The following HCN2 variants were observed in gnomAD, a reference collection of about 807,000 sequenced individuals.
HCN2 encodes potassium/sodium hyperpolarization-activated cyclic nucleotide-gated channel 2.
HCN2 carries 20 observed loss-of-function variants against 52.3 expected under a neutral mutation model. The ratio of observed to expected loss-of-function variants is 0.38; its 90% CI spans 0.27 to 0.56. HCN2 has a LOEUF of 0.56. HCN2 is among the 20% of genes least tolerant of loss of function. The pLI is 0.71. For synonymous variants in HCN2, 694 were observed against 537.0 expected (o/e 1.29, Z -4.04); for missense variants, 981 against 1,207.7 (o/e 0.81, Z 2.78).
chr19:597,732 T>C (rs113677283), intron 1 of HCN2, among the ~76,000 whole-genome samples: 1 of 114,734 alleles, frequency 8.7e-6, no homozygotes, highest in African/African-American at 3.5e-5. Context: ...TTCTAGGTCC[T>C]CCTGGTGGTT....
At position 613,116 on chromosome 19, in the gene HCN2, C is replaced by T. The variant is rs999590285; in HGVS notation, c.1585-132C>T. 34 of 1,253,858 alleles carry T rather than the reference C, an allele frequency of 2.7e-5. No individual in the cohort carries two copies. The Middle Eastern group carries it at 8.4e-4, about 31-fold the overall frequency. 77.7% of individuals were successfully genotyped at this position (1,253,858 alleles called of 1,614,324 possible). ...CGTCCTTGGCGGCAGCAGCTCGGTT[C>T]CGGCTACGGGGCTGAGCCCGTCTCT... On this transcript the variant is annotated intron_variant, in intron 5 of 7. Coordinates refer to ENST00000251287, the MANE Select transcript of HCN2 (RefSeq NM_001194.4).
At chr19:613,668 T>TGGGGATGGGGCCGGGGATGGGGCC (rs550372986) in intron 6 of HCN2, among the ~76,000 whole-genome samples, 180 bp downstream of exon 6, 5 of 10,846 alleles carry the variant, frequency 4.6e-4, no homozygotes, top group Non-Finnish European at 8.3e-4. Flanking sequence ...GGGCCGGGGA[T>TGGGGATGGGGCCGGGGATGGGGCC]GGGGATGGGG....
Position 605,312 on chromosome 19 carries a change from G to A in HCN2, c.1218+90G>A, listed in dbSNP as rs1028551810. On this transcript the variant is annotated intron_variant, in intron 3 of 7. Coordinates refer to ENST00000251287, the MANE Select transcript of HCN2 (RefSeq NM_001194.4). Reference sequence around the variant, plus strand: ...CCCCTTATCCCGCTTACAGAGGGTTGAACCCAAGCCTTTCAGAGGTGGGGA... The same window carrying A: ...CCCCTTATCCCGCTTACAGAGGGTTAAACCCAAGCCTTTCAGAGGTGGGGA... 5 of 1,317,850 alleles carry A rather than the reference G, an allele frequency of 3.8e-6. No homozygotes were observed. The African/African-American group carries it at 5.8e-5, about 15-fold the overall frequency. The allele number at this position is 1,317,850 out of a possible 1,614,324, so 81.6% of individuals were successfully genotyped here. A position where few individuals can be genotyped will look rare whatever the true frequency, so the allele number is the denominator to read the frequency against.
Position 603,980 on chromosome 19 carries a change from G to A in HCN2, c.1056+13G>A, listed in dbSNP as rs1372418461. 12 of 1,587,040 alleles carry A rather than the reference G, an allele frequency of 7.6e-6. 1 individual carries two copies. Among genetic ancestry groups the A allele is most frequent in the Admixed American group, 5.1e-5 (3 of 59,272 alleles). ...TCAGTGGGAGGAGGTGAGGTGGGGC[G>A]GGGGCGGGGCCAAGGCAGCAGGGGC... On this transcript the variant is annotated intron_variant, in intron 2 of 7. Coordinates refer to ENST00000251287, the MANE Select transcript of HCN2 (RefSeq NM_001194.4).
At position 616,141 on chromosome 19, in the gene HCN2, C is replaced by G. The variant is rs2144540224; in HGVS notation, c.2337C>G (p.Ser779Arg). Reference sequence around the variant, plus strand: ...CACCCGGGCCCCCGCCCCCCGCCAGCCCCCCGGGCGCGCCCGCCAGCCCCC... The same window carrying G: ...CACCCGGGCCCCCGCCCCCCGCCAGGCCCCCGGGCGCGCCCGCCAGCCCCC... ...AASPGPPPPA[S>R]PPGAPASPRA... Residue 779 changes from serine to arginine, a missense_variant, in exon 8 of 8, where the codon AGC (serine) becomes AGG (arginine). Transcript: ENST00000251287. 1.1e-6 allele frequency: 1 copy of G among 944,436 alleles called. No homozygotes were observed. The highest frequency in any genetic ancestry group is 4.7e-5 in the South Asian group (1 of 21,196). 58.5% of individuals were successfully genotyped at this position (944,436 alleles called of 1,614,324 possible).
rs116723556 is a variant in HCN2, at chr19:605,233, C to T, written c.1218+11C>T. On this transcript the variant is annotated intron_variant, in intron 3 of 7. Transcript: ENST00000251287. Reference sequence around the variant, plus strand: ...ATCAATGGCATGGTGGTGAGCGCCGCGGGCCCTGACGGAGGGGGAGACGCA... The same window carrying T: ...ATCAATGGCATGGTGGTGAGCGCCGTGGGCCCTGACGGAGGGGGAGACGCA... The T allele has an allele frequency of 4.4e-3, 7,136 of 1,608,530 alleles. 141 individuals carry two copies. Among genetic ancestry groups the T allele is most frequent in the African/African-American group, 0.04 (2,988 of 74,816 alleles).
rs1460617990 is a variant in HCN2 at position 590,546 on chromosome 19, G to C, written c.601G>C (p.Ala201Pro). 2.0e-6 allele frequency: 3 copies of C among 1,501,864 alleles called. No homozygotes were observed. The highest frequency in any genetic ancestry group is 5.5e-5 in the East Asian group (2 of 36,332). 93.0% of individuals were successfully genotyped at this position (1,501,864 alleles called of 1,614,324 possible). Residue 201 changes from alanine (A) to proline (P), a missense_variant, in exon 1 of 8, where the codon GCC becomes CCC. Physicochemically the swap from Ala to Pro is conservative, Grantham distance 27. Coordinates refer to ENST00000251287, the MANE Select transcript of HCN2 (RefSeq NM_001194.4). This position sits in a 1 kb window ranked among gnomAD's most constrained non-coding sequence, Gnocchi z 7.2. ...REQERVKSAG[A>P]WIIHPYSDFR... is the part of the protein sequence containing the mutation. Reference sequence around the variant, plus strand: ...GCAGGAGCGCGTCAAGTCGGCGGGGGCCTGGATCATCCACCCGTACAGCGA... The same window carrying C: ...GCAGGAGCGCGTCAAGTCGGCGGGGCCCTGGATCATCCACCCGTACAGCGA...
chr19:594,868 C>G (rs539776205), intron 1 of HCN2, among the ~76,000 whole-genome samples: 1 of 152,106 alleles, frequency 6.6e-6, no homozygotes, highest in African/African-American at 2.4e-5. Flanking sequence ...AAGGCCTCCC[C>G]GCTCTCTTCA....
At position 594,937 on chromosome 19, in the gene HCN2, A is replaced by T. The variant is rs114182679; in HGVS notation, c.632+4360A>T. On this transcript the variant is annotated intron_variant, in intron 1 of 7. Transcript: ENST00000251287. The stretch of plus-strand genomic sequence containing the variant: ...CATCTTTGTCCAGGCACTGTGGCTC[A>T]TGCCTGTAATGCCAGTACTTTGGGA... 4.0e-3 allele frequency among the ~76,000 whole-genome samples: 603 copies of T among 152,234 alleles called. 4 individuals are homozygous for T. Among genetic ancestry groups the T allele is most frequent in the African/African-American group, 0.013 (559 of 41,538 alleles).
rs946325828 is a variant in HCN2, at chr19:592,755, A to G, written c.632+2178A>G. ...GAATCAGTGTGGAAAAAGACCCCCA[A>G]GAATATCTCAAAAGCTCCCTAAGCA... On this transcript the variant is annotated intron_variant, in intron 1 of 7. Transcript: ENST00000251287. The surrounding 1 kb of genome is among the most constrained non-coding windows in gnomAD (Gnocchi z 4.8). Among the ~76,000 whole-genome samples the G allele has an allele frequency of 6.6e-6, 1 of 152,116 alleles. No individual in the cohort carries two copies.
chr19:595,009 T>C (rs1031181773), intron 1 of HCN2, among the ~76,000 whole-genome samples: 1 of 152,160 alleles, frequency 6.6e-6, no homozygotes, highest in East Asian at 1.9e-4. Context: ...GAGACCAGCC[T>C]GGGCAACATA....
chr19:599,254 C>G (rs896022240), intron 1 of HCN2, among the ~76,000 whole-genome samples: 13 of 152,350 alleles, frequency 8.5e-5, no homozygotes, highest in African/African-American at 3.1e-4. Flanking sequence ...TGGGTCACCC[C>G]GCAGACGTGG....
chr19:606,681 C>A lies in HCN2; in HGVS notation c.1219-1283C>A, dbSNP rs4555276. Among the ~76,000 whole-genome samples, 9 of 150,422 alleles carry A rather than the reference C, an allele frequency of 6.0e-5. No individual in the cohort carries two copies. The South Asian group carries it at 8.4e-4, about 14-fold the overall frequency. On this transcript the variant is annotated intron_variant, in intron 3 of 7. Transcript: ENST00000251287. Reference sequence around the variant, plus strand: ...CAGCCTGACCAACATGCTGAAACCCCGTCTCTACTAAAAATAAAAAATTAG... The same window carrying A: ...CAGCCTGACCAACATGCTGAAACCCAGTCTCTACTAAAAATAAAAAATTAG...
chr19:604,956 G>A (rs1983370835), intron 2 of HCN2, 105 bp from the exon 3 acceptor site: 10 of 1,260,778 alleles, frequency 7.9e-6, no homozygotes, highest in Admixed American at 4.3e-5. Context: ...TTGGATTTGG[G>A]GGAGGGGGCC....
chr19:602,525 G>A (rs1160859916), intron 1 of HCN2, among the ~76,000 whole-genome samples: 1 of 152,144 alleles, frequency 6.6e-6, no homozygotes, highest in Non-Finnish European at 1.5e-5. Flanking sequence ...TCTCAGTAAG[G>A]CATCTGGGGC....
Position 617,052 on chromosome 19 carries a change from G to C in HCN2, c.*578G>C, listed in dbSNP as rs940169018. On this transcript the variant is annotated 3_prime_UTR_variant, in exon 8 of 8. Transcript: ENST00000251287. Reference sequence around the variant, plus strand: ...GGGGAGGCTGGGGTCCCGCCGCCGTGATGAATGTACTGACGAGCCGAGGCA... The same window carrying C: ...GGGGAGGCTGGGGTCCCGCCGCCGTCATGAATGTACTGACGAGCCGAGGCA... The C allele has an allele frequency of 3.4e-5, 19 of 560,138 alleles. No individual in the cohort carries two copies. In the East Asian group the frequency reaches 5.1e-4, roughly 15 times the overall value. 34.7% of individuals were successfully genotyped at this position (560,138 alleles called of 1,614,324 possible).
chr19:612,867 C>A (rs1187593108), intron 5 of HCN2, among the ~76,000 whole-genome samples: 1 of 147,318 alleles, frequency 6.8e-6, no homozygotes, highest in African/African-American at 2.5e-5. Context: ...CCGGTAGAGA[C>A]GGGGGTCTTA....
At chr19:600,037 A>G (rs1050983474) in intron 1 of HCN2, among the ~76,000 whole-genome samples, 1 of 152,112 alleles carries the variant, frequency 6.6e-6, no homozygotes, top group Admixed American at 6.6e-5. Context: ...GCAAAATCCT[A>G]TGAATCTTTG....
chr19:615,667 G>C lies in HCN2; in HGVS notation c.1991-128G>C, dbSNP rs1048093275. ...CATATGTGCTTATTGTATACAGTAG[G>C]TGGTAAATGCATGCTTGCTCTACAC... On this transcript the variant is annotated intron_variant, in intron 7 of 7. Transcript: ENST00000251287. The C allele has an allele frequency of 6.2e-5, 50 of 812,684 alleles. No individual in the cohort carries two copies. In the African/African-American group the frequency reaches 8.1e-4, roughly 13 times the overall value. 50.3% of individuals were successfully genotyped at this position (812,684 alleles called of 1,614,324 possible). A position where few individuals can be genotyped will look rare whatever the true frequency, so the allele number is the denominator to read the frequency against.
Sources: allele counts gnomAD v4.1 joint callset (sites outside exome capture counted in the v4.1 genomes callset), GRCh38; gene constraint gnomAD v4.1.1; non-coding constraint Gnocchi (gnomAD v3.1); transcripts MANE v1.5; gene names NCBI Gene and HGNC (gene_info 2026-07-23, HGNC 2026-07-21).